B4GALT5: variants seen among roughly 807,000 people sequenced by gnomAD.
B4GALT5 encodes beta-1,4-galactosyltransferase 5, also known as UDP-Gal:beta-GlcNAc beta-1,4-galactosyltransferase 5.
A neutral mutation model predicts 45.0 loss-of-function variants in B4GALT5; 11 were observed. The ratio of observed to expected loss-of-function variants is 0.24; its 90% CI spans 0.15 to 0.40. The LOEUF (loss-of-function observed/expected upper bound fraction) is 0.40. Ranked by LOEUF, B4GALT5 falls within the 10% of genes least tolerant of loss-of-function variation. The pLI, the probability that B4GALT5 is intolerant of heterozygous loss-of-function variation, is 1.00. For missense variants in B4GALT5, 337 were observed against 500.2 expected (o/e 0.67, Z 3.11); for synonymous variants, 185 against 182.9 (o/e 1.01, Z -0.09).
At chr20:49,663,566 T>C (rs1009945417) in intron 1 of B4GALT5, among the ~76,000 whole-genome samples, 3 of 150,186 alleles carry the variant, frequency 2.0e-5, no homozygotes, top group African/African-American at 4.9e-5. Context: ...TAGCTGGGCA[T>C]GGTGGCACAC....
chr20:49,656,151 A>G (rs531563328), intron 2 of B4GALT5, among the ~76,000 whole-genome samples: 1 of 152,192 alleles, frequency 6.6e-6, no homozygotes, highest in Admixed American at 6.5e-5. Context: ...CTGGTTGTTA[A>G]GAAGAGCCTG....
chr20:49,634,694 T>C lies in B4GALT5; in HGVS notation c.*1618A>G, dbSNP rs235033. 0.78 allele frequency: 118,899 copies of C among 152,000 alleles called. 46,636 individuals carry two copies. The highest frequency in any genetic ancestry group is 0.88 in the Middle Eastern group (259 of 294). 9.4% of individuals were successfully genotyped at this position (152,000 alleles called of 1,614,324 possible). A position where few individuals can be genotyped will look rare whatever the true frequency, so the allele number is the denominator to read the frequency against. ...GCCTGGGCAACATGGAAGAAACCCC[T>C]GTCTCTACTAAAAATACAAAAAATT... On this transcript the variant is annotated 3_prime_UTR_variant, in exon 9 of 9. Transcript: ENST00000371711.
chr20:49,647,184 G>A (rs933900030), intron 2 of B4GALT5, 106 bp from the exon 3 acceptor site: 1 of 685,202 alleles, frequency 1.5e-6, no homozygotes, highest in Admixed American at 2.5e-5. Flanking sequence ...CATCTTGGTA[G>A]AAGGAGACAG....
chr20:49,638,316 C>A (rs1342414132), intron 7 of B4GALT5, among the ~76,000 whole-genome samples: 1 of 152,112 alleles, frequency 6.6e-6, no homozygotes, highest in Admixed American at 6.5e-5. Flanking sequence ...CAGTGCTCAG[C>A]CTATCATTTG....
intron 1 of B4GALT5, among the ~76,000 whole-genome samples, chr20:49,673,806 G>A (rs1436722554): frequency 1.3e-5 from 2 of 152,168 alleles, no homozygotes; most frequent in African/African-American, 2.4e-5. Flanking sequence ...ACAATTTAAC[G>A]TGGCTCAGTG....
At chr20:49,706,569 T>C (rs1242757783) in intron 1 of B4GALT5, among the ~76,000 whole-genome samples, 2 of 152,184 alleles carry the variant, frequency 1.3e-5, no homozygotes, top group Non-Finnish European at 2.9e-5. Context: ...AAGTGGATCT[T>C]AAAATCCCAT....
chr20:49,705,850 G>C (rs758017651), intron 1 of B4GALT5, among the ~76,000 whole-genome samples: 3 of 151,912 alleles, frequency 2.0e-5, no homozygotes, highest in South Asian at 4.2e-4. Flanking sequence ...TTTAATATGA[G>C]CATGAGACCA....
In B4GALT5 at chr20:49,647,096, A is replaced by G; in HGVS notation, c.251-18T>C. 1.3e-6 allele frequency: 2 copies of G among 1,553,758 alleles called. No homozygotes were observed. The highest frequency in any genetic ancestry group is 1.8e-6 in the Non-Finnish European group (2 of 1,128,170). On this transcript the variant is annotated intron_variant, in intron 2 of 8. Coordinates refer to ENST00000371711, the MANE Select transcript of B4GALT5 (RefSeq NM_004776.4). ...AGGATAATCTAGGGAGGTAAAGGAA[A>G]AAAGTCGATCAGACTGGTATGTGTG...
At chr20:49,706,382 G>C (rs1355811200) in intron 1 of B4GALT5, among the ~76,000 whole-genome samples, 3 of 152,060 alleles carry the variant, frequency 2.0e-5, no homozygotes, top group African/African-American at 7.2e-5. Flanking sequence ...CAACCACATT[G>C]TATGTGCTTC....
intron 1 of B4GALT5, among the ~76,000 whole-genome samples, chr20:49,659,583 A>T (rs2085657146): frequency 6.6e-6 from 1 of 152,256 alleles, no homozygotes; most frequent in Admixed American, 6.5e-5. Context: ...CTAAAAAAAT[A>T]AAAACTGAGG....
At chr20:49,673,881 A>G (rs1008625911) in intron 1 of B4GALT5, among the ~76,000 whole-genome samples, 4 of 152,006 alleles carry the variant, frequency 2.6e-5, no homozygotes, top group African/African-American at 9.7e-5. Context: ...CTCCAGATGG[A>G]AGATAATGCT....
chr20:49,700,322 TAAGTA>T (rs1211381554), intron 1 of B4GALT5, among the ~76,000 whole-genome samples: 2 of 152,158 alleles, frequency 1.3e-5, no homozygotes, highest in Non-Finnish European at 2.9e-5. Flanking sequence ...TAAAAGTAAT[TAAGTA>T]AAGTTAATTT....
At chr20:49,637,039 CAG>C (rs1469761670) in intron 8 of B4GALT5, among the ~76,000 whole-genome samples, 2 of 152,134 alleles carry the variant, frequency 1.3e-5, no homozygotes, top group African/African-American at 4.8e-5. Flanking sequence ...TCTGTCACCT[CAG>C]GGACCTTCAT....
chr20:49,691,486 C>T (rs1159058605), intron 1 of B4GALT5, among the ~76,000 whole-genome samples: 1 of 152,058 alleles, frequency 6.6e-6, no homozygotes, highest in Non-Finnish European at 1.5e-5. Context: ...TGCCACACTG[C>T]ACTCCAGCCT....
chr20:49,689,112 T>C (rs780284830), intron 1 of B4GALT5, among the ~76,000 whole-genome samples: 8 of 151,966 alleles, frequency 5.3e-5, no homozygotes, highest in African/African-American at 1.7e-4. Context: ...CCTGAGAAAA[T>C]GTCTCAGCAA....
intron 1 of B4GALT5, among the ~76,000 whole-genome samples, chr20:49,658,220 A>G (rs908931516): frequency 6.6e-6 from 1 of 152,046 alleles, no homozygotes; most frequent in Non-Finnish European, 1.5e-5. Context: ...TCCAATTATT[A>G]AAAAAAAGTA....
Position 49,684,140 on chromosome 20 carries a change from C to CA in B4GALT5, c.116-27439dup, listed in dbSNP as rs796091052. ...TGGGCAACAGAGCAAGATTCCATCT[C>CA]AAAAAAAAAAGAGCAAAGTAATAGT... On this transcript the variant is annotated intron_variant, in intron 1 of 8. Transcript: ENST00000371711. Among the ~76,000 whole-genome samples, 225 of 140,532 alleles carry CA rather than the reference C, an allele frequency of 1.6e-3. 1 individual carries two copies. Among genetic ancestry groups the CA allele is most frequent in the African/African-American group, 5.5e-3 (208 of 38,114 alleles). The allele number at this position is 140,532 out of a possible 152,430, so 92.2% of individuals were successfully genotyped here. A position where few individuals can be genotyped will look rare whatever the true frequency, so the allele number is the denominator to read the frequency against.
chr20:49,702,595 C>T (rs2085866815), intron 1 of B4GALT5, among the ~76,000 whole-genome samples: 2 of 152,078 alleles, frequency 1.3e-5, no homozygotes, highest in Non-Finnish European at 2.9e-5. Flanking sequence ...TGGCTCATGC[C>T]TGTAATCCCA....
intron 1 of B4GALT5, 56 bp from the exon 2 acceptor site, chr20:49,656,758 A>C: frequency 1.9e-6 from 3 of 1,611,832 alleles, no homozygotes; most frequent in Non-Finnish European, 2.5e-6. Context: ...CATTTAAAAA[A>C]ACATACCACA....
Sources: allele counts gnomAD v4.1 joint callset (sites outside exome capture counted in the v4.1 genomes callset), GRCh38; gene constraint gnomAD v4.1.1; transcripts MANE v1.5; gene names NCBI Gene and HGNC (gene_info 2026-07-23, HGNC 2026-07-21).